Variants in ABCA1 observed in about 807,000 individuals in gnomAD.
The protein encoded by ABCA1 is phospholipid-transporting ATPase ABCA1.
A neutral mutation model predicts 262.5 loss-of-function variants in ABCA1; 133 were observed. The observed-to-expected ratio is 0.51, with a 90% confidence interval of 0.44 to 0.59. ABCA1 has a LOEUF of 0.59. Among genes scored for constraint, ABCA1 ranks in the 20% least tolerant of loss-of-function variants. The probability of loss-of-function intolerance (pLI) is 0.00; values close to 1 mark genes in which losing one functional copy is unlikely to be tolerated. For missense variants in ABCA1, 2,452 were observed against 2,777.5 expected (o/e 0.88, Z 2.63); for synonymous variants, 1,022 against 1,043.5 (o/e 0.98, Z 0.40).
At chr9:104,917,227 A>C (rs1463492725) in intron 1 of ABCA1, among the ~76,000 whole-genome samples, 1 of 152,164 alleles carries the variant, frequency 6.6e-6, no homozygotes, top group Non-Finnish European at 1.5e-5. Flanking sequence ...AACCATGAAC[A>C]AGTTATTTAA....
chr9:104,834,371 G>A (rs900146430), intron 11 of ABCA1, among the ~76,000 whole-genome samples: 6 of 149,358 alleles, frequency 4.0e-5, no homozygotes, highest in Admixed American at 3.4e-4. Context: ...TTCCAATAGA[G>A]AATAGCAATT....
rs146780699 is a variant in ABCA1, at chr9:104,830,289, C to T, written c.1892+636G>A. Among the ~76,000 whole-genome samples the T allele has an allele frequency of 3.4e-3, 515 of 152,348 alleles. 4 individuals are homozygous for T. The highest frequency in any genetic ancestry group is 3.4e-3 in the Middle Eastern group (1 of 294). ...TAAACTGTGCTTTTATAAGTTTAGA[C>T]GCTGTTTCTGCATCTATGTGTGAGT... On this transcript the variant is annotated intron_variant, in intron 14 of 49. Coordinates refer to ENST00000374736, the MANE Select transcript of ABCA1 (RefSeq NM_005502.4).
At chr9:104,894,671 C>T (rs1053880270) in intron 2 of ABCA1, among the ~76,000 whole-genome samples, 1 of 152,200 alleles carries the variant, frequency 6.6e-6, no homozygotes, top group Non-Finnish European at 1.5e-5. Flanking sequence ...TCCTTCTCTT[C>T]GCCATTATGG....
intron 13 of ABCA1, 51 bp downstream of exon 13, chr9:104,831,571 G>A (rs761641799): frequency 2.7e-6 from 4 of 1,464,002 alleles, no homozygotes; most frequent in Non-Finnish European, 3.8e-6. Flanking sequence ...TAATATAATA[G>A]GTGCTCTGGA....
At chr9:104,900,095 A>C (rs1359138609) in intron 2 of ABCA1, among the ~76,000 whole-genome samples, 1 of 152,206 alleles carries the variant, frequency 6.6e-6, no homozygotes, top group African/African-American at 2.4e-5. Context: ...CAGGGGACCC[A>C]GGAGTTACCA....
rs775725710 is a variant in ABCA1 at position 104,792,906 on chromosome 9, T to A, written c.5637A>T (p.Arg1879Ser). ...LIQYRFFIRP[R>S]PVNAKLSPLN... ...GAGGAGATAGCTTTGCATTTACAGG[T>A]CTTGGGGGAAAAAACAAGAAAAATG... The change falls in exon 42 of 50, where the codon AGA (arginine) becomes AGT (serine). Residue 1879 changes from arginine (R) to serine (S), a missense_variant and splice_region_variant. Physicochemically the swap from Arg to Ser is moderately radical, Grantham distance 110 (BLOSUM62 -1). Around this residue, in one of 4 missense-constraint regions of ABCA1, gnomAD observed 752 missense variants for 944.5 expected, o/e 0.80. Coordinates refer to ENST00000374736, the MANE Select transcript of ABCA1 (RefSeq NM_005502.4). The A allele has an allele frequency of 1.9e-6, 3 of 1,614,014 alleles. No homozygotes were observed. Among genetic ancestry groups the A allele is most frequent in the Non-Finnish European group, 2.5e-6 (3 of 1,180,004 alleles).
rs1355015657 is a variant in ABCA1, at chr9:104,825,870, C to A, written c.2355G>T (p.Val785=). Reference sequence around the variant, plus strand: ...AGTACTCACAGCCAAACCCAAAAGCCACAGGAGACAGCAGGCTCTGTGAGA... The same window carrying A: ...AGTACTCACAGCCAAACCCAAAAGCAACAGGAGACAGCAGGCTCTGTGAGA... ...LKIFASLLSP[V]AFGFGCEYFA... is the part of the protein sequence containing the mutation. Residue 785 remains valine, a synonymous_variant, in exon 17 of 50, where the codon GTG becomes GTT. Transcript: ENST00000374736. 2 of 1,613,980 alleles carry A rather than the reference C, an allele frequency of 1.2e-6. No individual in the cohort carries two copies. The highest frequency in any genetic ancestry group is 1.7e-6 in the Non-Finnish European group (2 of 1,180,050).
At chr9:104,882,777 G>A (rs917045424) in intron 5 of ABCA1, among the ~76,000 whole-genome samples, 5 of 152,312 alleles carry the variant, frequency 3.3e-5, no homozygotes, top group Non-Finnish European at 5.9e-5. Context: ...CTGTCCCTAA[G>A]GCCAAGTCTG....
intron 3 of ABCA1, among the ~76,000 whole-genome samples, chr9:104,888,294 T>C (rs7047523): frequency 0.46 from 69,534 of 151,838 alleles, 17,717 homozygotes; most frequent in African/African-American, 0.69. Context: ...GAAAAATCAC[T>C]AGGGCAGTGA....
intron 1 of ABCA1, among the ~76,000 whole-genome samples, chr9:104,908,539 T>C (rs1388637824): frequency 6.6e-5 from 10 of 152,064 alleles, no homozygotes; most frequent in African/African-American, 9.7e-5. Context: ...TGGCGGTGGG[T>C]GCCTGTAATC....
intron 5 of ABCA1, among the ~76,000 whole-genome samples, chr9:104,870,503 C>G (rs1368823591): frequency 6.6e-6 from 1 of 152,210 alleles, no homozygotes; most frequent in Non-Finnish European, 1.5e-5. Flanking sequence ...AAGGCAATAG[C>G]ACACCTGCTA....
chr9:104,861,491 T>C, intron 6 of ABCA1, 188 bp downstream of exon 6: 3 of 734,700 alleles, frequency 4.1e-6, no homozygotes, highest in Non-Finnish European at 6.9e-6. Context: ...CCAGGTTGCA[T>C]ATTCCACTCC....
chr9:104,833,204 CA>C (rs1226897915), intron 11 of ABCA1, among the ~76,000 whole-genome samples: 1 of 152,156 alleles, frequency 6.6e-6, no homozygotes, highest in Non-Finnish European at 1.5e-5. Context: ...CGTTTGGATT[CA>C]GTGTCTCGCT....
In ABCA1 at chr9:104,790,915, T is replaced by G. The variant is rs768789080; in HGVS notation, c.5927+7A>C. 13 of 1,586,496 alleles carry G rather than the reference T, an allele frequency of 8.2e-6. No homozygotes were observed. Among genetic ancestry groups the G allele is most frequent in the Non-Finnish European group, 1.1e-5 (13 of 1,155,014 alleles). ...TGCAGCAAAATACAAGCCACTTCTT[T>G]TCTCACCTATTTTTGTTAAGGAAAG... On this transcript the variant is annotated splice_region_variant and intron_variant, in intron 44 of 49. Coordinates refer to ENST00000374736, the MANE Select transcript of ABCA1 (RefSeq NM_005502.4).
intron 4 of ABCA1, among the ~76,000 whole-genome samples, chr9:104,883,444 C>T (rs553290144): frequency 9.8e-5 from 15 of 152,338 alleles, no homozygotes; most frequent in African/African-American, 3.6e-4. Flanking sequence ...CATGCATGCA[C>T]ACACATGCCC....
At chr9:104,785,683 CTATT>C in intron 48 of ABCA1, 44 bp from the exon 49 acceptor site, 1 of 1,611,502 alleles carries the variant, frequency 6.2e-7, no homozygotes. Flanking sequence ...CTCCAGAAAA[CTATT>C]TAAAAGAATA....
chr9:104,793,811 C>A (rs959124204), intron 40 of ABCA1, among the ~76,000 whole-genome samples: 4 of 151,974 alleles, frequency 2.6e-5, no homozygotes, highest in African/African-American at 4.8e-5. Context: ...GCCCAAGTTG[C>A]AAAAAGCCCC....
chr9:104,839,323 C>G (rs1178797033), intron 9 of ABCA1, among the ~76,000 whole-genome samples: 3 of 152,178 alleles, frequency 2.0e-5, no homozygotes, highest in African/African-American at 7.2e-5. Context: ...TTAGAGAGCA[C>G]AGATCCAGGC....
intron 7 of ABCA1, among the ~76,000 whole-genome samples, chr9:104,849,144 G>A (rs1835156881): frequency 6.6e-6 from 1 of 152,136 alleles, no homozygotes; most frequent in African/African-American, 2.4e-5. Context: ...TCTTAACTCT[G>A]GAGCAAGCTT....
Sources: allele counts gnomAD v4.1 joint callset (sites outside exome capture counted in the v4.1 genomes callset), GRCh38; gene constraint gnomAD v4.1.1; regional missense constraint gnomAD v4.1.1; transcripts MANE v1.5; gene names NCBI Gene and HGNC (gene_info 2026-07-23, HGNC 2026-07-21).